The following CPA6 variants were observed in gnomAD, a reference collection of about 807,000 sequenced individuals.
CPA6 encodes carboxypeptidase A6, also known as carboxypeptidase B.
In CPA6, 58 loss-of-function variants were observed where a neutral mutation model predicts 63.3. The ratio of observed to expected loss-of-function variants is 0.92; its 90% CI spans 0.74 to 1.14. The LOEUF (loss-of-function observed/expected upper bound fraction) is 1.14. Among genes scored for constraint, CPA6 ranks in the 50% most tolerant of loss-of-function variants. The pLI, the probability that CPA6 is intolerant of heterozygous loss-of-function variation, is 0.00. For synonymous variants in CPA6, 185 were observed against 179.0 expected (o/e 1.03, Z -0.27); for missense variants, 565 against 526.6 (o/e 1.07, Z -0.71).
At chr8:67,534,433 T>A (rs1812540798) in intron 2 of CPA6, among the ~76,000 whole-genome samples, 1 of 152,094 alleles carries the variant, frequency 6.6e-6, no homozygotes, top group African/African-American at 2.4e-5. Flanking sequence ...GCTATACAGG[T>A]ACATGTAGGT....
chr8:67,518,143 A>T, intron 2 of CPA6, 96 bp from the exon 3 acceptor site: 1 of 1,173,658 alleles, frequency 8.5e-7, no homozygotes, highest in African/African-American at 1.5e-5. Context: ...GCATATAGTA[A>T]CACCAAACAT....
intron 2 of CPA6, among the ~76,000 whole-genome samples, chr8:67,591,675 TG>T (rs780040179): frequency 2.6e-5 from 4 of 152,234 alleles, no homozygotes; most frequent in Non-Finnish European, 5.9e-5. Flanking sequence ...ACTCATGATT[TG>T]GCTCTCTGTT....
At chr8:67,647,336 T>A (rs1563376004) in intron 1 of CPA6, among the ~76,000 whole-genome samples, 1 of 119,734 alleles carries the variant, frequency 8.4e-6, no homozygotes, top group Non-Finnish European at 1.9e-5. Flanking sequence ...TAGGATAATC[T>A]TTTTTTTTTT....
At chr8:67,473,269 G>C (rs1811104212) in intron 8 of CPA6, among the ~76,000 whole-genome samples, 1 of 152,228 alleles carries the variant, frequency 6.6e-6, no homozygotes, top group African/African-American at 2.4e-5. Flanking sequence ...AGGTTGATGA[G>C]ACAGAGGAGT....
chr8:67,488,046 C>T (rs1811522128), intron 6 of CPA6, among the ~76,000 whole-genome samples: 1 of 152,130 alleles, frequency 6.6e-6, no homozygotes, highest in East Asian at 1.9e-4. Context: ...TGCAGAAGCC[C>T]TTTAGTTTAA....
chr8:67,561,686 G>A lies in CPA6; in HGVS notation c.193-43639C>T, dbSNP rs1264908588. 2.6e-5 allele frequency among the ~76,000 whole-genome samples: 4 copies of A among 152,234 alleles called. No homozygotes were observed. In the East Asian group the frequency reaches 7.7e-4, roughly 29 times the overall value. ...GGAGAATTGGTGAAGGTTGAGTAGG[G>A]TCTGAGGATTAAGTAATATATCGGT... On this transcript the variant is annotated intron_variant, in intron 2 of 10. Coordinates refer to ENST00000297770, the MANE Select transcript of CPA6 (RefSeq NM_020361.5).
chr8:67,475,820 TTCTTTTCTTTC>T, intron 8 of CPA6, among the ~76,000 whole-genome samples: 1 of 42,910 alleles, frequency 2.3e-5, no homozygotes, highest in Non-Finnish European at 4.2e-5. Context: ...TTTCTTTCCT[TTCTTTTCTTTC>T]TTTCTTTCTT....
At chr8:67,511,995 G>C (rs1168851785) in intron 3 of CPA6, among the ~76,000 whole-genome samples, 1 of 152,170 alleles carries the variant, frequency 6.6e-6, no homozygotes, top group Non-Finnish European at 1.5e-5. Flanking sequence ...GCACTGTGCT[G>C]TGTCTTTTAT....
chr8:67,613,722 C>G lies in CPA6; in HGVS notation c.192+10454G>C, dbSNP rs192349283. On this transcript the variant is annotated intron_variant, in intron 2 of 10. Coordinates refer to ENST00000297770, the MANE Select transcript of CPA6 (RefSeq NM_020361.5). ...AGTTCCTGGGCAAAGGCCCCACCCT[C>G]AAGCCTGTATACCCATGGCCCTAAA... Among the ~76,000 whole-genome samples the G allele has an allele frequency of 2.6e-4, 39 of 152,320 alleles. No individual in the cohort carries two copies. In the Middle Eastern group the frequency reaches 0.01, roughly 40 times the overall value.
At chr8:67,495,453 A>C (rs1255254052) in intron 6 of CPA6, among the ~76,000 whole-genome samples, 2 of 152,188 alleles carry the variant, frequency 1.3e-5, no homozygotes, top group Non-Finnish European at 2.9e-5. Flanking sequence ...GTGCTCAATA[A>C]GCATTTGATA....
intron 2 of CPA6, among the ~76,000 whole-genome samples, chr8:67,609,990 C>T (rs186735428): frequency 1.1e-3 from 163 of 152,216 alleles, no homozygotes; most frequent in Non-Finnish European, 1.7e-3. Context: ...CCACTGCATT[C>T]CAGCCTGGGT....
chr8:67,509,402 G>A (rs1475490441), intron 5 of CPA6, 115 bp downstream of exon 5: 4 of 524,620 alleles, frequency 7.6e-6, no homozygotes, highest in Non-Finnish European at 1.4e-5. Context: ...ATCAGATGAT[G>A]TTAAATATGA....
chr8:67,705,223 C>T (rs1817108684), intron 1 of CPA6, among the ~76,000 whole-genome samples: 1 of 152,156 alleles, frequency 6.6e-6, no homozygotes, highest in South Asian at 2.1e-4. Flanking sequence ...GGAAACGGGG[C>T]TGCCTTGAGG....
At chr8:67,454,752 A>C (rs1456490148) in intron 8 of CPA6, among the ~76,000 whole-genome samples, 1 of 152,224 alleles carries the variant, frequency 6.6e-6, no homozygotes, top group Non-Finnish European at 1.5e-5. Flanking sequence ...AACAGCATAC[A>C]TCTCTGTTCT....
chr8:67,468,309 C>A (rs1238779739), intron 8 of CPA6, among the ~76,000 whole-genome samples: 3 of 151,784 alleles, frequency 2.0e-5, no homozygotes, highest in Admixed American at 2.0e-4. Context: ...TTGATGTGCC[C>A]TGGCTGGGCA....
chr8:67,649,178 G>A (rs1227347341), intron 1 of CPA6, among the ~76,000 whole-genome samples: 1 of 151,776 alleles, frequency 6.6e-6, no homozygotes, highest in African/African-American at 2.4e-5. Context: ...CATTTTCTCT[G>A]CTTAAAAATC....
intron 2 of CPA6, among the ~76,000 whole-genome samples, chr8:67,585,994 T>C (rs187867443): frequency 2.2e-4 from 33 of 152,140 alleles, no homozygotes; most frequent in Admixed American, 7.2e-4. Flanking sequence ...GGCAGAATAG[T>C]AGGGATGAAG....
At chr8:67,435,677 C>T (rs1810136024) in intron 8 of CPA6, among the ~76,000 whole-genome samples, 1 of 151,944 alleles carries the variant, frequency 6.6e-6, no homozygotes, top group Non-Finnish European at 1.5e-5. Context: ...TCTCTCTCCT[C>T]CTGGACCCAG....
intron 1 of CPA6, among the ~76,000 whole-genome samples, chr8:67,625,277 C>CA (rs971287743): frequency 6.6e-6 from 1 of 151,848 alleles, no homozygotes; most frequent in African/African-American, 2.4e-5. Context: ...CTGTGTTTAT[C>CA]AAAAAAAATC....
Sources: gnomAD v4.1 joint callset for allele counts (sites outside exome capture counted in the v4.1 genomes callset) on GRCh38, gnomAD v4.1.1 for gene constraint, MANE v1.5 for transcripts, NCBI Gene and HGNC (gene_info 2026-07-23, HGNC 2026-07-21) for gene names.